The following SNX31 variants were observed in gnomAD, a reference collection of about 807,000 sequenced individuals.
SNX31 encodes sorting nexin-31.
A neutral mutation model predicts 65.4 loss-of-function variants in SNX31; 58 were observed. That is an observed-to-expected ratio of 0.89 (90% CI 0.72 to 1.10). The LOEUF is 1.10. Ranked by LOEUF, SNX31 falls within the 50% of genes least tolerant of loss-of-function variation. The probability of loss-of-function intolerance (pLI) is 0.00; values close to 1 mark genes in which losing one functional copy is unlikely to be tolerated. For synonymous variants in SNX31, 181 were observed against 190.1 expected, an observed-to-expected ratio of 0.95 and a Z score of 0.39; for missense variants, 523 against 529.7, an observed-to-expected ratio of 0.99 and a Z score of 0.12.
intron 3 of SNX31, among the ~76,000 whole-genome samples, chr8:100,631,824 G>A (rs972093964): frequency 1.3e-5 from 2 of 152,112 alleles, no homozygotes; most frequent in Non-Finnish European, 2.9e-5. Flanking sequence ...TCTGCAATGG[G>A]GCATATAGTC....
At chr8:100,642,699 C>A (rs138040490) in intron 2 of SNX31, among the ~76,000 whole-genome samples, 2 of 152,192 alleles carry the variant, frequency 1.3e-5, no homozygotes, top group African/African-American at 4.8e-5. Context: ...GGTCTCAGTA[C>A]ACAGTTGAGC....
chr8:100,590,611 T>G (rs1263823265), intron 10 of SNX31, among the ~76,000 whole-genome samples: 1 of 151,760 alleles, frequency 6.6e-6, no homozygotes, highest in East Asian at 1.9e-4. Flanking sequence ...AAACCCCATC[T>G]CTACTAAAAA....
chr8:100,649,733 T>C (rs11785670), upstream of SNX31: 164,851 of 455,056 alleles, frequency 0.36, 31,584 homozygotes, highest in African/African-American at 0.52. Flanking sequence ...GCCGCTCTGG[T>C]CCCGGGATAG....
intron 12 of SNX31, among the ~76,000 whole-genome samples, chr8:100,579,545 G>A (rs147029794): frequency 4.5e-4 from 68 of 152,300 alleles, no homozygotes; most frequent in Middle Eastern, 3.4e-3. Context: ...TATTGGACCA[G>A]CTCTTCAAAA....
At position 100,630,729 on chromosome 8, in the gene SNX31, A is replaced by G. The variant is rs1187193035; in HGVS notation, c.257-338T>C. ...GAATCAGAAAGATCTTAAAACCTGC[A>G]TCTAGACTCCCAGCCTAGCAAGACA... is the stretch of plus-strand genomic sequence containing the variant. On this transcript the variant is annotated intron_variant, in intron 3 of 13. Coordinates refer to ENST00000311812, the MANE Select transcript of SNX31 (RefSeq NM_152628.4). This position sits in a 1 kb window ranked among gnomAD's most constrained non-coding sequence, Gnocchi z 5.3. Among the ~76,000 whole-genome samples, 1 of 152,200 alleles carries G rather than the reference A, an allele frequency of 6.6e-6. No homozygotes were observed. The highest frequency in any genetic ancestry group is 1.5e-5 in the Non-Finnish European group (1 of 68,030).
upstream of SNX31, among the ~76,000 whole-genome samples, chr8:100,651,063 G>A (rs1162349972): frequency 6.6e-6 from 1 of 152,166 alleles, no homozygotes; most frequent in Non-Finnish European, 1.5e-5. Flanking sequence ...TGTTGGTCAG[G>A]CTGGTCTCAA....
Position 100,622,636 on chromosome 8 carries a change from G to A in SNX31, c.322-4906C>T, listed in dbSNP as rs1312541447. On this transcript the variant is annotated intron_variant, in intron 4 of 13. Coordinates refer to ENST00000311812, the MANE Select transcript of SNX31 (RefSeq NM_152628.4). The surrounding 1 kb of genome is among the most constrained non-coding windows in gnomAD (Gnocchi z 5.0). ...ACTGCACTCCAGCCTGGGTGACAGA[G>A]CAAGACTCCCTCTCAAAAAATAAAT... is the stretch of plus-strand genomic sequence containing the variant. Among the ~76,000 whole-genome samples the A allele has an allele frequency of 6.6e-6, 1 of 151,614 alleles. No individual in the cohort carries two copies. The highest frequency in any genetic ancestry group is 1.5e-5 in the Non-Finnish European group (1 of 67,938).
intron 1 of SNX31, chr8:100,657,836 A>G (rs1032130202): frequency 4.0e-5 from 18 of 449,522 alleles, no homozygotes; most frequent in Non-Finnish European, 7.6e-5. Flanking sequence ...GCCCCACTGC[A>G]TTCCAGCCTG....
chr8:100,661,007 A>AT (rs10641759), intron 1 of SNX31, among the ~76,000 whole-genome samples: 17,034 of 140,448 alleles, frequency 0.12, 1,446 homozygotes, highest in African/African-American at 0.22. Context: ...GCAGGTCGAT[A>AT]TTTTTTTTTT....
chr8:100,588,191 G>A lies in SNX31; in HGVS notation c.1092+675C>T, dbSNP rs917351027. Among the ~76,000 whole-genome samples the A allele has an allele frequency of 6.6e-6, 1 of 152,036 alleles. No homozygotes were observed. Among genetic ancestry groups the A allele is most frequent in the African/African-American group, 2.4e-5 (1 of 41,382 alleles). On this transcript the variant is annotated intron_variant, in intron 11 of 13. Coordinates refer to ENST00000311812, the MANE Select transcript of SNX31 (RefSeq NM_152628.4). The surrounding 1 kb of genome is among the most constrained non-coding windows in gnomAD (Gnocchi z 4.8). ...GGGACCACTGCCATATATACAGACTGTCATTGACCAAAATGTTATGTACCA... is the reference window on the plus strand; with the variant it reads ...GGGACCACTGCCATATATACAGACTATCATTGACCAAAATGTTATGTACCA...
At chr8:100,599,182 A>G (rs1815381935) in intron 9 of SNX31, among the ~76,000 whole-genome samples, 1 of 152,238 alleles carries the variant, frequency 6.6e-6, no homozygotes, top group African/African-American at 2.4e-5. Context: ...AAATAGCATT[A>G]TTACAAATAG....
rs559021819 is a variant in SNX31 at position 100,630,795 on chromosome 8, C to G, written c.257-404G>C. Among the ~76,000 whole-genome samples the G allele has an allele frequency of 1.3e-5, 2 of 152,302 alleles. No homozygotes were observed. Among genetic ancestry groups the G allele is most frequent in the South Asian group, 4.1e-4 (2 of 4,826 alleles). ...ATTTAATTCAACCAAGAAACATCAACTGAGAGCACCTCTTTGGAGTCTCGC... is the reference window on the plus strand; with the variant it reads ...ATTTAATTCAACCAAGAAACATCAAGTGAGAGCACCTCTTTGGAGTCTCGC... On this transcript the variant is annotated intron_variant, in intron 3 of 13. Coordinates refer to ENST00000311812, the MANE Select transcript of SNX31 (RefSeq NM_152628.4). This position sits in a 1 kb window ranked among gnomAD's most constrained non-coding sequence, Gnocchi z 5.3.
At chr8:100,608,707 T>G (rs1816419901) in intron 7 of SNX31, 144 bp from the exon 8 acceptor site, 2 of 689,540 alleles carry the variant, frequency 2.9e-6, no homozygotes, top group South Asian at 1.7e-5. Flanking sequence ...TGCCCAGCTT[T>G]CACTCTGCCC....
chr8:100,635,407 T>G (rs1818696349), intron 3 of SNX31, among the ~76,000 whole-genome samples: 1 of 151,772 alleles, frequency 6.6e-6, no homozygotes, highest in South Asian at 2.1e-4. Flanking sequence ...ACCTGGCTAA[T>G]TTTTAAAATT....
Position 100,576,239 on chromosome 8 carries a change from A to T in SNX31, c.1227+780T>A, listed in dbSNP as rs771814393. ...ATATTTATAAATACTGTACATATAT[A>T]CTAAGGATGTTTACATACACACCAG... On this transcript the variant is annotated intron_variant, in intron 13 of 13. Coordinates refer to ENST00000311812, the MANE Select transcript of SNX31 (RefSeq NM_152628.4). This position sits in a 1 kb window ranked among gnomAD's most constrained non-coding sequence, Gnocchi z 4.8. Among the ~76,000 whole-genome samples, 21 of 152,362 alleles carry T rather than the reference A, an allele frequency of 1.4e-4. No homozygotes were observed. Among genetic ancestry groups the T allele is most frequent in the Non-Finnish European group, 2.5e-4 (17 of 68,034 alleles).
chr8:100,641,382 C>CA, intron 2 of SNX31, among the ~76,000 whole-genome samples: 1 of 150,218 alleles, frequency 6.7e-6, no homozygotes, highest in South Asian at 2.1e-4. Context: ...ACTAAATATA[C>CA]AAAAAATTAA....
chr8:100,580,156 T>TAAA (rs10608114), intron 12 of SNX31, among the ~76,000 whole-genome samples: 10 of 124,482 alleles, frequency 8.0e-5, no homozygotes, highest in Non-Finnish European at 1.1e-4. Flanking sequence ...AGCCTGTCTT[T>TAAA]AAAAAAAAAA....
intron 8 of SNX31, among the ~76,000 whole-genome samples, chr8:100,607,871 A>G (rs977523762): frequency 1.3e-5 from 2 of 152,240 alleles, no homozygotes; most frequent in African/African-American, 4.8e-5. Flanking sequence ...AACCGCGATC[A>G]TTACAGGAGC....
intron 1 of SNX31, among the ~76,000 whole-genome samples, chr8:100,655,924 A>C (rs1198380392): frequency 6.6e-6 from 1 of 152,222 alleles, no homozygotes; most frequent in African/African-American, 2.4e-5. Flanking sequence ...AGAGGCAGTC[A>C]GACCAGCAAG....
Sources: allele counts gnomAD v4.1 joint callset (sites outside exome capture counted in the v4.1 genomes callset), GRCh38; gene constraint gnomAD v4.1.1; non-coding constraint Gnocchi (gnomAD v3.1); transcripts MANE v1.5; gene names NCBI Gene and HGNC (gene_info 2026-07-23, HGNC 2026-07-21).